The following VSIG1 variants were observed in gnomAD, a reference collection of about 807,000 sequenced individuals.
VSIG1 encodes V-set and immunoglobulin domain containing 1, also known as V-set and immunoglobulin domain-containing protein 1.
In VSIG1, 11 loss-of-function variants were observed where a neutral mutation model predicts 20.1. The observed-to-expected ratio is 0.55, with a 90% CI of 0.34 to 0.91. VSIG1 has a LOEUF of 0.91. Ranked by LOEUF, VSIG1 falls within the 40% of genes least tolerant of loss-of-function variation. The pLI is 0.02. For missense variants in VSIG1, 283 were observed against 298.8 expected, an observed-to-expected ratio of 0.95 and a Z score of 0.39; for synonymous variants, 126 against 116.7, an observed-to-expected ratio of 1.08 and a Z score of -0.52.
At chrX:108,019,348 C>A in the VSIG1 span, among the ~76,000 whole-genome samples, 1 of 112,273 alleles carries the variant, frequency 8.9e-6, no homozygotes, top group East Asian at 2.8e-4. Flanking sequence ...GTGGAGGTAG[C>A]CTGGCCAAAT....
At chrX:108,067,915 C>T (rs2031165854) in intron 3 of VSIG1, among the ~76,000 whole-genome samples, 1 of 112,166 alleles carries the variant, frequency 8.9e-6, no homozygotes, top group Non-Finnish European at 1.9e-5. Context: ...CAATCCTCAA[C>T]TCTTACAGAC....
At chrX:108,072,168 C>T (rs1351290203) in intron 3 of VSIG1, among the ~76,000 whole-genome samples, 1 of 110,157 alleles carries the variant, frequency 9.1e-6, no homozygotes, top group Non-Finnish European at 1.9e-5. Flanking sequence ...TCTTAATGGC[C>T]TCTTGACTAG....
At chrX:108,025,648 T>G in the VSIG1 span, among the ~76,000 whole-genome samples, 1 of 112,656 alleles carries the variant, frequency 8.9e-6, no homozygotes, top group Non-Finnish European at 1.9e-5. Flanking sequence ...GTTTTTAAAT[T>G]TTTCAATAAT....
rs1456400203 is a variant in VSIG1, at chrX:108,045,093, G to T, written c.-38G>T. ...TTGAGACTCAGCCTAGTCCAGGCAA[G>T]CTACTGGCACCTGCTGCTCTCAACT... On this transcript the variant is annotated 5_prime_UTR_variant, in exon 1 of 7. Transcript: ENST00000217957. 5 of 1,137,494 alleles carry T rather than the reference G, an allele frequency of 4.4e-6. No homozygotes were observed. Among genetic ancestry groups the T allele is most frequent in the Non-Finnish European group, 5.9e-6 (5 of 852,807 alleles). The allele number at this position is 1,137,494 out of a possible 1,213,427, so 93.7% of individuals were successfully genotyped here. A position where few individuals can be genotyped will look rare whatever the true frequency, so the allele number is the denominator to read the frequency against.
chrX:108,047,965 T>TATATATATATAC (rs2030684090), intron 1 of VSIG1, among the ~76,000 whole-genome samples: 1 of 18,702 alleles, frequency 5.3e-5, no homozygotes, highest in African/African-American at 2.6e-4. Flanking sequence ...CACACACATA[T>TATATATATATAC]ATATATATAT....
At chrX:108,066,855 T>C in intron 2 of VSIG1, 81 bp from the exon 3 acceptor site, 1 of 909,599 alleles carries the variant, frequency 1.1e-6, no homozygotes, top group South Asian at 2.1e-5. Flanking sequence ...TCAAAGGTAA[T>C]GTGTTTAGAA....
chrX:108,069,800 A>G, intron 3 of VSIG1, among the ~76,000 whole-genome samples: 1 of 112,086 alleles, frequency 8.9e-6, no homozygotes, highest in Non-Finnish European at 1.9e-5. Context: ...CAGACGCGTA[A>G]CATAAAAGCT....
At chrX:108,060,093 A>G (rs982685181) in intron 2 of VSIG1, among the ~76,000 whole-genome samples, 2 of 111,794 alleles carry the variant, frequency 1.8e-5, no homozygotes, top group African/African-American at 6.5e-5. Flanking sequence ...GGAAGAAGAT[A>G]TGGTGATTGA....
intron 3 of VSIG1, among the ~76,000 whole-genome samples, chrX:108,068,305 G>A (rs1183246839): frequency 8.9e-6 from 1 of 111,987 alleles, no homozygotes; most frequent in Non-Finnish European, 1.9e-5. Context: ...TGGGGTACAG[G>A]AACAGACAAG....
At chrX:108,037,086 G>C in the VSIG1 span, among the ~76,000 whole-genome samples, 1 of 111,782 alleles carries the variant, frequency 8.9e-6, no homozygotes, top group Non-Finnish European at 1.9e-5. Context: ...GTTGGAAAAA[G>C]TAATGAAGCC....
the VSIG1 span, among the ~76,000 whole-genome samples, chrX:108,035,519 TATTGTCC>T: frequency 9.0e-6 from 1 of 110,814 alleles, no homozygotes; most frequent in Non-Finnish European, 1.9e-5. Flanking sequence ...TTCTTTCTTT[TATTGTCC>T]ATTCTAGATT....
chrX:108,043,817 A>T (rs2030517659), upstream of VSIG1, among the ~76,000 whole-genome samples: 1 of 112,177 alleles, frequency 8.9e-6, no homozygotes, highest in Admixed American at 9.5e-5. Context: ...AACATAAAAC[A>T]TATCACTTGA....
chrX:108,037,473 CT>C, the VSIG1 span, among the ~76,000 whole-genome samples: 2 of 111,733 alleles, frequency 1.8e-5, no homozygotes, highest in African/African-American at 6.5e-5. Flanking sequence ...ACAGTAGCCT[CT>C]TTACTTTATG....
chrX:108,047,903 T>TATATATACAC (rs1555980337), intron 1 of VSIG1, among the ~76,000 whole-genome samples: 3 of 17,385 alleles, frequency 1.7e-4, no homozygotes, highest in Non-Finnish European at 2.4e-4. Flanking sequence ...TATATATATA[T>TATATATACAC]ACACATATAT....
intron 2 of VSIG1, among the ~76,000 whole-genome samples, chrX:108,061,124 C>A (rs1271315509): frequency 1.8e-5 from 2 of 112,705 alleles, no homozygotes; most frequent in Non-Finnish European, 3.8e-5. Context: ...AGGTTGCAGA[C>A]ATCCTGTGTT....
In VSIG1 at chrX:108,067,008, C is replaced by G. The variant is rs763595146; in HGVS notation, c.286C>G (p.Pro96Ala). 3.3e-6 allele frequency: 4 copies of G among 1,211,108 alleles called. No homozygotes were observed. The highest frequency in any genetic ancestry group is 4.5e-6 in the Non-Finnish European group (4 of 895,069). Residue 96 changes from proline to alanine, a missense_variant, in exon 3 of 7, where the codon CCA becomes GCA. By Grantham distance (27) the Pro-to-Ala change is conservative. Coordinates refer to ENST00000217957, the MANE Select transcript of VSIG1 (RefSeq NM_182607.5). Reference protein sequence around the residue: ...FKDRITGSNDPGNASITISHM... With the variant: ...FKDRITGSNDAGNASITISHM... ...AGATCGAATTACAGGGTCCAACGAT[C>G]CAGGTAATGCATCTATCACTATCTC...
chrX:108,032,919 G>A, the VSIG1 span, among the ~76,000 whole-genome samples: 2 of 110,802 alleles, frequency 1.8e-5, no homozygotes, highest in Non-Finnish European at 3.8e-5. Flanking sequence ...GGCAGTTCCA[G>A]GGAGCTATAT....
chrX:108,077,114 A>G lies in VSIG1; in HGVS notation c.897A>G (p.Leu299=). 1.7e-6 allele frequency: 2 copies of G among 1,212,044 alleles called. No individual in the cohort carries two copies. The highest frequency in any genetic ancestry group is 2.2e-6 in the Non-Finnish European group (2 of 895,557). ...EAMPREDATQ[L]EVTLPSSIHE... ...TGCCAAGAGAAGACGCTACCCAACT[A>G]GAAGTAACTCTACCATCTTCCATTC... Residue 299 remains leucine, a synonymous_variant, in exon 7 of 7, where the codon CTA becomes CTG. Coordinates refer to ENST00000217957, the MANE Select transcript of VSIG1 (RefSeq NM_182607.5).
At chrX:108,040,229 C>T (rs951278501), upstream of VSIG1, among the ~76,000 whole-genome samples, 1 of 111,396 alleles carries the variant, frequency 9.0e-6, no homozygotes, top group Admixed American at 9.6e-5. Flanking sequence ...AAGCAATTCA[C>T]AGGGAAAGGA....
Sources: gnomAD v4.1 joint callset for allele counts (sites outside exome capture counted in the v4.1 genomes callset) on GRCh38, gnomAD v4.1.1 for gene constraint, MANE v1.5 for transcripts, NCBI Gene and HGNC (gene_info 2026-07-23, HGNC 2026-07-21) for gene names.